Variants in F8 observed in about 807,000 individuals in gnomAD.
The protein encoded by F8 is coagulation factor VIII, also known as antihemophilic factor.
F8 carries 12 observed loss-of-function variants against 140.6 expected under a neutral mutation model. That is an observed-to-expected ratio of 0.09 (90% confidence interval 0.05 to 0.14). The LOEUF is 0.14. Among genes scored for constraint, F8 ranks in the 10% least tolerant of loss-of-function variants. F8 has a pLI of 1.00. For missense variants in F8, 1,354 were observed against 1,720.7 expected (o/e 0.79, Z 3.77); for synonymous variants, 585 against 614.6 (o/e 0.95, Z 0.71).
intron 21 of F8, among the ~76,000 whole-genome samples, chrX:154,899,663 A>T (rs1057411356): frequency 5.4e-5 from 6 of 111,986 alleles, no homozygotes; most frequent in African/African-American, 2.0e-4. Flanking sequence ...CAGTAGAAGG[A>T]CTAAAATACA....
chrX:154,923,670 A>G (rs2073144333), intron 14 of F8, among the ~76,000 whole-genome samples: 1 of 112,423 alleles, frequency 8.9e-6, no homozygotes, highest in Non-Finnish European at 1.9e-5. Context: ...CCCCATCTCT[A>G]CTAAAAATAC....
chrX:154,867,690 C>CAA (rs373471645), intron 22 of F8, among the ~76,000 whole-genome samples: 34 of 41,698 alleles, frequency 8.2e-4, no homozygotes, highest in South Asian at 1.7e-3. Flanking sequence ...GACTCTGTCT[C>CAA]AAAAAAAAAA....
chrX:155,002,895 G>C (rs1267359718), intron 1 of F8, among the ~76,000 whole-genome samples: 2 of 111,976 alleles, frequency 1.8e-5, no homozygotes, highest in African/African-American at 6.5e-5. Context: ...TAATGGGTGT[G>C]AGGCAGTATC....
chrX:154,872,005 C>G (rs1603431892), intron 22 of F8, among the ~76,000 whole-genome samples: 2 of 112,246 alleles, frequency 1.8e-5, no homozygotes, highest in Non-Finnish European at 3.8e-5. Flanking sequence ...GAGATACCAA[C>G]TCACGCCAGT....
At chrX:154,869,976 C>T (rs1377324853) in intron 22 of F8, among the ~76,000 whole-genome samples, 1 of 111,966 alleles carries the variant, frequency 8.9e-6, no homozygotes, top group Non-Finnish European at 1.9e-5. Flanking sequence ...GACACATACA[C>T]CCTCCCAAGT....
intron 25 of F8, among the ~76,000 whole-genome samples, chrX:154,849,645 G>C (rs1370742990): frequency 9.1e-6 from 1 of 109,512 alleles, no homozygotes; most frequent in Non-Finnish European, 1.9e-5. Context: ...GAAATATTTG[G>C]TCCATTCATA....
intron 12 of F8, among the ~76,000 whole-genome samples, chrX:154,950,693 A>C (rs1316671310): frequency 1.8e-5 from 2 of 112,160 alleles, no homozygotes; most frequent in Non-Finnish European, 3.8e-5. Context: ...TCTCTTGTCT[A>C]ACTGGAATTG....
chrX:154,890,907 C>A (rs143195088), intron 22 of F8, among the ~76,000 whole-genome samples: 1,375 of 112,416 alleles, frequency 0.012, 25 homozygotes, highest in African/African-American at 0.042. Flanking sequence ...TTTAATATAA[C>A]CCTCATGCCA....
At chrX:154,948,618 C>T (rs1304350162) in intron 12 of F8, among the ~76,000 whole-genome samples, 1 of 112,081 alleles carries the variant, frequency 8.9e-6, no homozygotes, top group Non-Finnish European at 1.9e-5. Context: ...TGTAACTTTT[C>T]TGTACATTTT....
rs782716237 is a variant in F8 at position 154,928,878 on chromosome X, T to C, written c.4912A>G (p.Lys1638Glu). 2.3e-5 allele frequency: 28 copies of C among 1,210,251 alleles called. No individual in the cohort carries two copies. The East Asian group carries it at 5.6e-4, about 24-fold the overall frequency. Reference protein sequence around the residue: ...AIAAINEGQNKPEIEVTWAKQ... With the variant: ...AIAAINEGQNEPEIEVTWAKQ... ...GCCCAGGTGACTTCTATTTCGGGCT[T>C]ATTTTGTCCCTCATTTATTGCTGCT... The change falls in exon 14 of 26, where the codon AAG (lysine) becomes GAG (glutamate). Residue 1638 changes from lysine to glutamate, a missense_variant. Around this residue, in one of 4 missense-constraint regions of F8, gnomAD observed 658 missense variants for 666.5 expected, o/e 0.99. Transcript: ENST00000360256.
Position 154,901,250 on chromosome X carries a change from C to T in F8, c.6187+121G>A, listed in dbSNP as rs369131744. On this transcript the variant is annotated intron_variant, in intron 20 of 25. Coordinates refer to ENST00000360256, the MANE Select transcript of F8 (RefSeq NM_000132.4). ...GAGAGGAGGAGATGTATTTGAGAGG[C>T]ACTTATGGAATAGAACTAATAGAAG... 12 of 554,057 alleles carry T rather than the reference C, an allele frequency of 2.2e-5. No homozygotes were observed. In the African/African-American group the frequency reaches 2.5e-4, roughly 12 times the overall value. 45.7% of individuals were successfully genotyped at this position (554,057 alleles called of 1,213,427 possible).
intron 18 of F8, among the ~76,000 whole-genome samples, chrX:154,903,178 T>C (rs782034109): frequency 2.7e-5 from 3 of 110,365 alleles, no homozygotes; most frequent in South Asian, 7.8e-4. Flanking sequence ...TTAAACTGGA[T>C]GGTTTTTTTT....
At position 155,012,479 on chromosome X, in the gene F8, GA is replaced by G. The variant is rs35171772; in HGVS notation, c.143+9930del. On this transcript the variant is annotated intron_variant, in intron 1 of 25. Transcript: ENST00000360256. ...GCATATGTTACCACACTTGGCTAAT[GA>G]AAAAAAATTCTGTAGAAGTCAAGTC... Among the ~76,000 whole-genome samples the G allele has an allele frequency of 5.4e-5, 6 of 110,224 alleles. 1 individual carries two copies. In the Middle Eastern group the frequency reaches 0.019, roughly 340 times the overall value.
At chrX:154,896,265 A>G (rs782747452) in intron 21 of F8, 33 bp from the exon 22 acceptor site, 2 of 1,179,458 alleles carry the variant, frequency 1.7e-6, no homozygotes, top group Non-Finnish European at 2.3e-6. Context: ...ATTTTAACCT[A>G]TTTTTAAATG....
At chrX:155,021,967 C>T (rs1178457967) in intron 1 of F8, among the ~76,000 whole-genome samples, 2 of 111,945 alleles carry the variant, frequency 1.8e-5, no homozygotes, top group Admixed American at 1.9e-4. Context: ...TATCCTTACA[C>T]CCAAAGTAGG....
chrX:154,950,372 A>G (rs889314819), intron 12 of F8, among the ~76,000 whole-genome samples: 12 of 111,479 alleles, frequency 1.1e-4, no homozygotes, highest in Admixed American at 4.8e-4. Flanking sequence ...CTTGGTATGG[A>G]CAGCCTTTTT....
Position 155,022,413 on chromosome X carries a change from G to A in F8, c.140C>T (p.Ala47Val). 2 of 1,207,819 alleles carry A rather than the reference G, an allele frequency of 1.7e-6. No homozygotes were observed. Among genetic ancestry groups the A allele is most frequent in the Non-Finnish European group, 2.2e-6 (2 of 893,930 alleles). Residue 47 changes from alanine to valine, a missense_variant, in exon 1 of 26, where the codon GCA becomes GTA. Physicochemically the swap from Ala to Val is moderately conservative, Grantham distance 64. Around this residue, in one of 4 missense-constraint regions of F8, gnomAD observed 128 missense variants for 230.4 expected, o/e 0.56. Coordinates refer to ENST00000360256, the MANE Select transcript of F8 (RefSeq NM_000132.4). The stretch of plus-strand genomic sequence containing the variant: ...ACCCTACAGGACATGCCTTTACCTT[G>A]CGTCCACAGGCAGCTCACCGAGATC... The part of the protein sequence containing the change: ...QSDLGELPVD[A>V]RFPPRVPKSF...
intron 4 of F8, among the ~76,000 whole-genome samples, chrX:154,991,366 T>G (rs1323262361): frequency 8.9e-6 from 1 of 112,425 alleles, no homozygotes; most frequent in African/African-American, 3.2e-5. Flanking sequence ...AAAGGTATAC[T>G]CCCCCACAAG....
intron 25 of F8, among the ~76,000 whole-genome samples, chrX:154,858,564 A>C (rs1391841900): frequency 8.9e-6 from 1 of 112,148 alleles, no homozygotes; most frequent in Non-Finnish European, 1.9e-5. Flanking sequence ...ACCAGGCCCT[A>C]TGATTCTGGT....
Sources: allele counts gnomAD v4.1 joint callset (sites outside exome capture counted in the v4.1 genomes callset), GRCh38; gene constraint gnomAD v4.1.1; regional missense constraint gnomAD v4.1.1; transcripts MANE v1.5; gene names NCBI Gene and HGNC (gene_info 2026-07-23, HGNC 2026-07-21).